DNAH17: variants seen among roughly 807,000 people sequenced by gnomAD.
DNAH17 encodes the protein dynein axonemal heavy chain 17, also known as axonemal beta dynein heavy chain 17.
A neutral mutation model predicts 485.6 loss-of-function variants in DNAH17; 376 were observed. The ratio of observed to expected loss-of-function variants is 0.77; its 90% CI spans 0.71 to 0.84. DNAH17 has a LOEUF of 0.84. Ranked by LOEUF, DNAH17 falls within the 40% of genes least tolerant of loss-of-function variation. The pLI is 0.00. For missense variants in DNAH17, 6,370 were observed against 5,839.3 expected (o/e 1.09, Z -2.96); for synonymous variants, 3,031 against 2,405.9 (o/e 1.26, Z -7.60).
rs890863883 is a variant in DNAH17 at position 78,429,004 on chromosome 17, T to C, written c.12405+117A>G. 3.6e-6 allele frequency: 4 copies of C among 1,118,856 alleles called. No individual in the cohort carries two copies. In the African/African-American group the frequency reaches 6.2e-5, roughly 17 times the overall value. The allele number at this position is 1,118,856 out of a possible 1,614,324, so 69.3% of individuals were successfully genotyped here. A position where few individuals can be genotyped will look rare whatever the true frequency, so the allele number is the denominator to read the frequency against. On this transcript the variant is annotated intron_variant, in intron 76 of 80. Transcript: ENST00000389840. ...GTGAGACGCATTTCTCATCCTCTCT[T>C]ATTTTGGCTGCCTGGGTTCTTGCTC...
At chr17:78,575,952 G>A (rs1173490925) in intron 1 of DNAH17, among the ~76,000 whole-genome samples, 3 of 152,244 alleles carry the variant, frequency 2.0e-5, no homozygotes, top group African/African-American at 4.8e-5. Context: ...CCTTGGAGGC[G>A]AGTTCTGCAA....
chr17:78,519,702 T>C (rs2090886014), intron 25 of DNAH17, among the ~76,000 whole-genome samples: 1 of 152,062 alleles, frequency 6.6e-6, no homozygotes, highest in Admixed American at 6.6e-5. Flanking sequence ...ATAAACCAAT[T>C]CCTCAAAAAC....
Position 78,523,445 on chromosome 17 carries a change from C to T in DNAH17, c.3864+1564G>A, listed in dbSNP as rs898750856. On this transcript the variant is annotated intron_variant, in intron 25 of 80. Coordinates refer to ENST00000389840, the MANE Select transcript of DNAH17 (RefSeq NM_173628.4). ...GGCCTCCTTTTTCAATTTTACCCTG[C>T]CTCTCCTTTTCAGTTTGTTTTTATT... Among the ~76,000 whole-genome samples, 4 of 152,088 alleles carry T rather than the reference C, an allele frequency of 2.6e-5. No homozygotes were observed. In the South Asian group the frequency reaches 8.3e-4, roughly 31 times the overall value.
intron 2 of DNAH17, 105 bp from the exon 3 acceptor site, chr17:78,572,999 C>A: frequency 9.6e-7 from 1 of 1,045,200 alleles, no homozygotes. Flanking sequence ...TGTCTGGAGC[C>A]CTGGGAAAAC....
At chr17:78,459,626 G>A (rs925908805) in intron 60 of DNAH17, among the ~76,000 whole-genome samples, 158 bp downstream of exon 60, 3 of 152,218 alleles carry the variant, frequency 2.0e-5, no homozygotes, top group African/African-American at 7.2e-5. Context: ...TGCTGAGCTT[G>A]TCAGCTGTGT....
Position 78,566,939 on chromosome 17 carries a change from T to C in DNAH17, c.1452+60A>G, listed in dbSNP as rs921163640. ...CCCTCCCATCACACCCCTAAGCTGG[T>C]ACCGAGGCTGGTGCTGTTCTCACCG... On this transcript the variant is annotated intron_variant, in intron 10 of 80. Coordinates refer to ENST00000389840, the MANE Select transcript of DNAH17 (RefSeq NM_173628.4). 5.2e-6 allele frequency: 8 copies of C among 1,543,558 alleles called. No individual in the cohort carries two copies. The African/African-American group carries it at 9.6e-5, about 19-fold the overall frequency.
At chr17:78,536,478 A>C (rs2091377334) in intron 19 of DNAH17, among the ~76,000 whole-genome samples, 1 of 151,362 alleles carries the variant, frequency 6.6e-6, no homozygotes, top group Non-Finnish European at 1.5e-5. Context: ...GAAGTTTAAG[A>C]CCACTCTGGG....
chr17:78,542,073 T>C (rs2091607397), intron 17 of DNAH17, among the ~76,000 whole-genome samples: 1 of 150,288 alleles, frequency 6.7e-6, no homozygotes, highest in Non-Finnish European at 1.5e-5. Flanking sequence ...ATGTGACTCA[T>C]CATTAAAGTC....
At chr17:78,573,529 G>A (rs2092389189) in intron 2 of DNAH17, among the ~76,000 whole-genome samples, 1 of 151,708 alleles carries the variant, frequency 6.6e-6, no homozygotes, top group Non-Finnish European at 1.5e-5. Flanking sequence ...AACCTGGGAG[G>A]TGGAGGTTGC....
intron 74 of DNAH17, among the ~76,000 whole-genome samples, chr17:78,434,686 C>T (rs960311080): frequency 2.0e-5 from 3 of 151,812 alleles, no homozygotes; most frequent in East Asian, 1.9e-4. Flanking sequence ...GGGATGGGGT[C>T]GCTTCTCAAA....
chr17:78,437,751 C>G lies in DNAH17; in HGVS notation c.11923G>C (p.Glu3975Gln). The stretch of plus-strand genomic sequence containing the variant: ...ATGCCCTGGGGGATGATGTGGGTCT[C>G]GGGGCTGGGGGCAGGCTCCGCGCTG... ...FISAEPAPSP[E>Q]THIIPQGILE... The change falls in exon 74 of 81, where the codon GAG becomes CAG. Residue 3975 changes from glutamate to glutamine, a missense_variant. Physicochemically the swap from Glu to Gln is conservative, Grantham distance 29. Transcript: ENST00000389840. 1.9e-6 allele frequency: 3 copies of G among 1,612,546 alleles called. No homozygotes were observed. Among genetic ancestry groups the G allele is most frequent in the Non-Finnish European group, 2.5e-6 (3 of 1,179,762 alleles).
At chr17:78,506,609 G>C in intron 30 of DNAH17, 111 bp downstream of exon 30, 2 of 1,488,424 alleles carry the variant, frequency 1.3e-6, no homozygotes, top group Admixed American at 4.1e-5. Flanking sequence ...GGAGATGATG[G>C]GGCACGTCCA....
At position 78,556,660 on chromosome 17, in the gene DNAH17, G is replaced by A. The variant is rs116509195; in HGVS notation, c.2178+1448C>T. ...AGGAGGACAAGCACAGTGACTGCCC[G>A]CTGAGCCCCACAGCCACGCTCTCCG... On this transcript the variant is annotated intron_variant, in intron 14 of 80. Transcript: ENST00000389840. 3.9e-3 allele frequency among the ~76,000 whole-genome samples: 589 copies of A among 152,204 alleles called. 3 individuals are homozygous for A. Among genetic ancestry groups the A allele is most frequent in the African/African-American group, 0.013 (556 of 41,536 alleles).
intron 41 of DNAH17, chr17:78,493,004 C>G (rs2089929429): frequency 2.8e-6 from 1 of 350,884 alleles, no homozygotes; most frequent in Non-Finnish European, 5.2e-6. Context: ...GCGCCCATGA[C>G]CACACCCGGC....
chr17:78,427,966 CAAAAAAAA>C (rs55900135), intron 77 of DNAH17, among the ~76,000 whole-genome samples: 22 of 98,238 alleles, frequency 2.2e-4, no homozygotes, highest in African/African-American at 6.7e-4. Context: ...AACTCCGTCT[CAAAAAAAA>C]AAAAAAAAAA....
In DNAH17 at chr17:78,561,934, G is replaced by T. The variant is rs2092165505; in HGVS notation, c.1616C>A (p.Ala539Asp). 6.2e-7 allele frequency: 1 copy of T among 1,613,122 alleles called. No homozygotes were observed. The highest frequency in any genetic ancestry group is 8.5e-7 in the Non-Finnish European group (1 of 1,179,564). ...GACTGAATACCTGGGCGCCACCTCGGCAAGAATCAGGGGCCGCTCCATGAG... is the reference window on the plus strand; with the variant it reads ...GACTGAATACCTGGGCGCCACCTCGTCAAGAATCAGGGGCCGCTCCATGAG... Reference protein sequence around the residue: ...GGLMERPLILAEVAPRYSVML... With the variant: ...GGLMERPLILDEVAPRYSVML... The change falls in exon 12 of 81, where the codon GCC becomes GAC. Residue 539 changes from alanine to aspartate, a missense_variant. Ala to Asp is a moderately radical substitution (Grantham distance 126). Coordinates refer to ENST00000389840, the MANE Select transcript of DNAH17 (RefSeq NM_173628.4).
intron 15 of DNAH17, among the ~76,000 whole-genome samples, chr17:78,552,469 A>G (rs1049176969): frequency 2.0e-5 from 3 of 150,218 alleles, no homozygotes; most frequent in African/African-American, 7.3e-5. Flanking sequence ...GGCAGTTCCC[A>G]GGGAGTCTTT....
Position 78,502,550 on chromosome 17 carries a change from C to G in DNAH17, c.5190+41G>C, listed in dbSNP as rs766783641. On this transcript the variant is annotated intron_variant, in intron 33 of 80. Transcript: ENST00000389840. ...CGGGCCCATGCACCTGCTTTTTAAA[C>G]AAGTTTTAAAAACGTAACTAACTAC... 33 of 1,566,032 alleles carry G rather than the reference C, an allele frequency of 2.1e-5. No homozygotes were observed. The East Asian group carries it at 5.5e-4, about 26-fold the overall frequency.
intron 48 of DNAH17, among the ~76,000 whole-genome samples, chr17:78,484,091 T>C (rs1464378532): frequency 2.5e-5 from 2 of 78,734 alleles, no homozygotes; most frequent in Non-Finnish European, 4.4e-5. Flanking sequence ...GCGAGATTTC[T>C]CCTCAAAAAA....
Sources: allele counts gnomAD v4.1 joint callset (sites outside exome capture counted in the v4.1 genomes callset), GRCh38; gene constraint gnomAD v4.1.1; transcripts MANE v1.5; gene names NCBI Gene and HGNC (gene_info 2026-07-23, HGNC 2026-07-21).